Variants in OTUD7A observed in about 807,000 individuals in gnomAD.
The protein encoded by OTUD7A is OTU deubiquitinase 7A.
OTUD7A carries 12 observed loss-of-function variants against 65.7 expected under a neutral mutation model. That is an observed-to-expected ratio of 0.18 (90% CI 0.12 to 0.30). The LOEUF (loss-of-function observed/expected upper bound fraction) is 0.30. Among genes scored for constraint, OTUD7A ranks in the 10% least tolerant of loss-of-function variants. The pLI, the probability that OTUD7A is intolerant of heterozygous loss-of-function variation, is 1.00. For synonymous variants in OTUD7A, 641 were observed against 586.3 expected (o/e 1.09, Z -1.35); for missense variants, 1,148 against 1,304.8 (o/e 0.88, Z 1.85).
intron 8 of OTUD7A, among the ~76,000 whole-genome samples, chr15:31,523,593 C>T (rs1255855010): frequency 2.0e-5 from 3 of 152,198 alleles, no homozygotes; most frequent in South Asian, 2.1e-4. Context: ...GCCTGGACCT[C>T]GGGCAGCTCG....
chr15:31,653,111 T>C (rs775798040), intron 3 of OTUD7A, among the ~76,000 whole-genome samples: 5 of 151,900 alleles, frequency 3.3e-5, no homozygotes, highest in Non-Finnish European at 5.9e-5. Context: ...TAGCTGGGCA[T>C]GGTGATGCGC....
Position 31,558,970 on chromosome 15 carries a change from T to C in OTUD7A, c.549A>G (p.Ala183=), listed in dbSNP as rs758832756. 6.2e-7 allele frequency: 1 copy of C among 1,614,154 alleles called. No homozygotes were observed. The highest frequency in any genetic ancestry group is 1.1e-5 in the South Asian group (1 of 91,072). Residue 183 remains alanine, a splice_region_variant and synonymous_variant, in exon 5 of 13, where the codon GCA becomes GCG. Transcript: ENST00000307050. Reference sequence around the variant, plus strand: ...GGCCTGCTGGCAGGGGCAACTCACCTGCCTGCTCCAAAGCCACCATTGTTG... The same window carrying C: ...GGCCTGCTGGCAGGGGCAACTCACCCGCCTGCTCCAAAGCCACCATTGTTG... ...EQATMVALEQ[A]GRLNWWSTVC...
intron 1 of OTUD7A, among the ~76,000 whole-genome samples, chr15:31,704,634 A>G (rs1407290115): frequency 6.6e-6 from 1 of 151,436 alleles, no homozygotes; most frequent in Non-Finnish European, 1.5e-5. Flanking sequence ...CTTTAATTAA[A>G]GGTACGGTGA....
intron 3 of OTUD7A, among the ~76,000 whole-genome samples, chr15:31,575,160 C>T (rs570282399): frequency 6.6e-6 from 1 of 152,206 alleles, no homozygotes; most frequent in African/African-American, 2.4e-5. Context: ...CTACAGATAG[C>T]ACAGTAGGAA....
chr15:31,683,918 C>T (rs1477066596), intron 1 of OTUD7A, among the ~76,000 whole-genome samples: 3 of 152,182 alleles, frequency 2.0e-5, no homozygotes, highest in Non-Finnish European at 4.4e-5. Flanking sequence ...AAACTGCATT[C>T]TTAAGCAGAA....
intron 1 of OTUD7A, among the ~76,000 whole-genome samples, chr15:31,850,630 C>T (rs1302930287): frequency 6.6e-6 from 1 of 152,112 alleles, no homozygotes; most frequent in Non-Finnish European, 1.5e-5. Flanking sequence ...TGGCCCCATC[C>T]TTCTGCTCAC....
intron 1 of OTUD7A, among the ~76,000 whole-genome samples, chr15:31,796,196 C>CAT (rs1895953203): frequency 5.8e-5 from 1 of 17,306 alleles, no homozygotes. Context: ...CATTATCTAT[C>CAT]TATCTATCTA....
chr15:31,851,444 T>C (rs1299552032), intron 1 of OTUD7A, among the ~76,000 whole-genome samples: 1 of 152,252 alleles, frequency 6.6e-6, no homozygotes, highest in Non-Finnish European at 1.5e-5. Flanking sequence ...ATGGATTCTC[T>C]ACTTAGGAAA....
rs1159152271 is a variant in OTUD7A at position 31,482,081 on chromosome 15, T to A, written c.*1213A>T. On this transcript the variant is annotated 3_prime_UTR_variant, in exon 13 of 13. Transcript: ENST00000307050. ...ATCTTGGAAGGAAGAGGCTGCATAT[T>A]GCTGCTCAAAACAGGGTAGCTAAGG... 6.6e-6 allele frequency: 1 copy of A among 152,252 alleles called. No homozygotes were observed. Among genetic ancestry groups the A allele is most frequent in the Non-Finnish European group, 1.5e-5 (1 of 68,050 alleles). 9.4% of individuals were successfully genotyped at this position (152,252 alleles called of 1,614,324 possible). A position where few individuals can be genotyped will look rare whatever the true frequency, so the allele number is the denominator to read the frequency against.
intron 1 of OTUD7A, among the ~76,000 whole-genome samples, chr15:31,808,667 C>A (rs1896343386): frequency 6.6e-6 from 1 of 152,206 alleles, no homozygotes; most frequent in African/African-American, 2.4e-5. Context: ...CTTGACTGTT[C>A]CAGACAGCAT....
intron 1 of OTUD7A, among the ~76,000 whole-genome samples, chr15:31,810,619 G>A (rs1896392779): frequency 6.6e-6 from 1 of 152,160 alleles, no homozygotes; most frequent in Non-Finnish European, 1.5e-5. Context: ...CCAGAATTGT[G>A]AGGAAATCAA....
intron 1 of OTUD7A, among the ~76,000 whole-genome samples, chr15:31,687,347 C>T (rs1197263169): frequency 1.3e-5 from 2 of 152,284 alleles, no homozygotes; most frequent in Admixed American, 1.3e-4. Context: ...GGACACAGAG[C>T]GTGGGGCCTC....
intron 1 of OTUD7A, among the ~76,000 whole-genome samples, chr15:31,761,839 A>C (rs1894973084): frequency 6.6e-6 from 1 of 152,234 alleles, no homozygotes; most frequent in Admixed American, 6.5e-5. Flanking sequence ...AAAGGAAGGA[A>C]GTACTGGTAC....
At chr15:31,526,720 GCATTAA>G (rs1437092586) in intron 7 of OTUD7A, among the ~76,000 whole-genome samples, 8 of 152,182 alleles carry the variant, frequency 5.3e-5, no homozygotes, top group Admixed American at 4.6e-4. Context: ...GGATGACCGA[GCATTAA>G]CCTGTGCCTG....
intron 3 of OTUD7A, among the ~76,000 whole-genome samples, chr15:31,594,135 G>C (rs1206000956): frequency 6.6e-6 from 1 of 152,100 alleles, no homozygotes; most frequent in African/African-American, 2.4e-5. Flanking sequence ...CTGTCAAAAT[G>C]AATTCAGTCC....
intron 8 of OTUD7A, among the ~76,000 whole-genome samples, chr15:31,515,917 C>A (rs925354639): frequency 2.0e-5 from 3 of 149,952 alleles, no homozygotes; most frequent in African/African-American, 7.4e-5. Flanking sequence ...TGTCCATCCA[C>A]CCACATGTAC....
Position 31,506,084 on chromosome 15 carries a change from A to G in OTUD7A, c.894-2266T>C, listed in dbSNP as rs1446213203. Among the ~76,000 whole-genome samples, 6 of 152,216 alleles carry G rather than the reference A, an allele frequency of 3.9e-5. No individual in the cohort carries two copies. The South Asian group carries it at 1.2e-3, about 32-fold the overall frequency. On this transcript the variant is annotated intron_variant, in intron 8 of 12. Transcript: ENST00000307050. ...CGAATTAATGTTTTATTATTTTAGAAAAAGGGTTATTTATTTTAGAATTTT... is the reference window on the plus strand; with the variant it reads ...CGAATTAATGTTTTATTATTTTAGAGAAAGGGTTATTTATTTTAGAATTTT...
intron 3 of OTUD7A, among the ~76,000 whole-genome samples, chr15:31,642,573 G>C (rs1410886566): frequency 6.6e-6 from 1 of 150,604 alleles, no homozygotes; most frequent in Non-Finnish European, 1.5e-5. Flanking sequence ...AATAAATATA[G>C]ACCTATTCAA....
chr15:31,808,595 G>A (rs1323216474), intron 1 of OTUD7A, among the ~76,000 whole-genome samples: 1 of 152,168 alleles, frequency 6.6e-6, no homozygotes, highest in African/African-American at 2.4e-5. Flanking sequence ...CTGAGTGTAA[G>A]AGACCCTGAT....
Sources: allele counts gnomAD v4.1 joint callset (sites outside exome capture counted in the v4.1 genomes callset), GRCh38; gene constraint gnomAD v4.1.1; transcripts MANE v1.5; gene names NCBI Gene and HGNC (gene_info 2026-07-23, HGNC 2026-07-21).